The following MED16 variants were observed in gnomAD, a reference collection of about 807,000 sequenced individuals.
The protein encoded by MED16 is mediator of RNA polymerase II transcription subunit 16.
Under a neutral mutation model 84.4 loss-of-function variants are expected in MED16, and 81 were observed. That is an observed-to-expected ratio of 0.96 (90% CI 0.80 to 1.15). The LOEUF (loss-of-function observed/expected upper bound fraction) is 1.15. Ranked by LOEUF, MED16 falls within the 50% of genes most tolerant of loss-of-function variation. The pLI is 0.00. For missense variants in MED16, 1,585 were observed against 1,245.9 expected (o/e 1.27, Z -4.10); for synonymous variants, 897 against 552.2 (o/e 1.62, Z -8.76).
chr19:876,250 G>A (rs920434495), intron 9 of MED16, among the ~76,000 whole-genome samples: 4 of 152,126 alleles, frequency 2.6e-5, no homozygotes, highest in African/African-American at 7.2e-5. Flanking sequence ...TTAGATCTGA[G>A]GTCCTTCGAG....
rs773108866 is a variant in MED16 at position 881,583 on chromosome 19, C to T, written c.1117G>A (p.Asp373Asn). ...LTNTDLKVASDTQFYPGLGLA... is the reference protein window; with the variant it reads ...LTNTDLKVASNTQFYPGLGLA... ...CCGAGGCCAGGGTAGAACTGTGTGT[C>T]GCTGGCCACCTTGAGGTCGGTGTTG... Residue 373 changes from aspartate to asparagine, a missense_variant, in exon 7 of 16, where the codon GAC (aspartate) becomes AAC (asparagine). Asp to Asn is a conservative substitution (Grantham distance 23). Coordinates refer to ENST00000325464, the MANE Select transcript of MED16 (RefSeq NM_005481.3). 8 of 1,612,264 alleles carry T rather than the reference C, an allele frequency of 5.0e-6. No individual in the cohort carries two copies. The highest frequency in any genetic ancestry group is 1.3e-5 in the African/African-American group (1 of 74,912).
chr19:870,702 G>C (rs528854472), intron 13 of MED16, among the ~76,000 whole-genome samples: 2 of 152,090 alleles, frequency 1.3e-5, no homozygotes, highest in East Asian at 3.9e-4. Context: ...TCATGGCCAT[G>C]ACTGGAGAAC....
chr19:869,651 C>G (rs188191480), intron 13 of MED16, among the ~76,000 whole-genome samples: 1 of 152,134 alleles, frequency 6.6e-6, no homozygotes, highest in Admixed American at 6.5e-5. Flanking sequence ...CCGGAGGTCC[C>G]GGAGCCAAGC....
chr19:874,230 C>T (rs1447811044), intron 10 of MED16, among the ~76,000 whole-genome samples: 1 of 152,188 alleles, frequency 6.6e-6, no homozygotes, highest in Non-Finnish European at 1.5e-5. Flanking sequence ...TCTCCTGCCT[C>T]AGCCTCCCGA....
At chr19:871,705 C>G (rs778559911) in intron 12 of MED16, 4 of 1,339,778 alleles carry the variant, frequency 3.0e-6, no homozygotes, top group Non-Finnish European at 4.1e-6. Flanking sequence ...CTGCCACCTG[C>G]AGGGGCTTAT....
chr19:882,613 G>A (rs187078000), intron 6 of MED16, among the ~76,000 whole-genome samples: 3 of 152,212 alleles, frequency 2.0e-5, no homozygotes, highest in Admixed American at 2.0e-4. Context: ...AGCTGGAGCC[G>A]GCCTGCTGGA....
chr19:880,599 G>A (rs2036400311), intron 7 of MED16, among the ~76,000 whole-genome samples: 1 of 152,196 alleles, frequency 6.6e-6, no homozygotes, highest in African/African-American at 2.4e-5. Context: ...TCATGGAAAA[G>A]AGAATATGAA....
rs760070634 is a variant in MED16, at chr19:889,788, T to G, written c.297A>C (p.Ala99=). ...AGCACTTGATCTGCCCGTCGGCATCTGCTGACAGGAGCCGGGAGCCTGAGG... is the reference window on the plus strand; with the variant it reads ...AGCACTTGATCTGCCCGTCGGCATCGGCTGACAGGAGCCGGGAGCCTGAGG... ...WDQSGSRLLS[A]DADGQIKCWS... is the part of the protein sequence containing the mutation. Residue 99 remains alanine, a synonymous_variant, in exon 4 of 16, where the codon GCA becomes GCC. Coordinates refer to ENST00000325464, the MANE Select transcript of MED16 (RefSeq NM_005481.3). 6.2e-7 allele frequency: 1 copy of G among 1,612,286 alleles called. No homozygotes were observed.
At chr19:880,239 C>A (rs903776359) in intron 7 of MED16, 91 bp from the exon 8 acceptor site, 5 of 1,246,826 alleles carry the variant, frequency 4.0e-6, no homozygotes, top group Non-Finnish European at 4.3e-6. Flanking sequence ...TGTGGAGAGC[C>A]GGGGCTGCCC....
chr19:874,076 C>T (rs924236947), intron 10 of MED16, among the ~76,000 whole-genome samples: 11 of 152,272 alleles, frequency 7.2e-5, no homozygotes, highest in East Asian at 1.9e-4. Context: ...AGGAGTGCCA[C>T]GTGTCCACAC....
chr19:869,272 G>T (rs1357859703), intron 13 of MED16, among the ~76,000 whole-genome samples: 1 of 152,184 alleles, frequency 6.6e-6, no homozygotes, highest in African/African-American at 2.4e-5. Flanking sequence ...GAGGTGCAGG[G>T]AAGGTGCTTG....
At chr19:877,213 G>C (rs369347363) in intron 8 of MED16, 33 bp from the exon 9 acceptor site, 55 of 1,581,256 alleles carry the variant, frequency 3.5e-5, no homozygotes, top group Non-Finnish European at 4.5e-5. Flanking sequence ...AGAGCCCGGT[G>C]AGATGGGGCT....
At chr19:878,109 C>T (rs2036304977) in intron 8 of MED16, among the ~76,000 whole-genome samples, 2 of 119,152 alleles carry the variant, frequency 1.7e-5, no homozygotes, top group Admixed American at 1.9e-4. Flanking sequence ...GCCACGTGCC[C>T]CAGCAACTCA....
At position 876,947 on chromosome 19, in the gene MED16, GGGGCCCCACCTGCCAC is replaced by G. The variant is rs1000020174; in HGVS notation, c.1560+11_1560+26del. 2 of 1,545,670 alleles carry G rather than the reference GGGGCCCCACCTGCCAC, an allele frequency of 1.3e-6. No individual in the cohort carries two copies. Among genetic ancestry groups the G allele is most frequent in the South Asian group, 2.3e-5 (2 of 88,192 alleles). On this transcript the variant is annotated intron_variant, in intron 9 of 15. Coordinates refer to ENST00000325464, the MANE Select transcript of MED16 (RefSeq NM_005481.3). ...CTGCCACAGGGCCCCCACCTGCCAC[GGGGCCCCACCTGCCAC>G]GGGCCCCCACCTGCTGCAGGGCAGC...
chr19:882,355 A>T (rs1436001176), intron 6 of MED16, among the ~76,000 whole-genome samples: 1 of 151,884 alleles, frequency 6.6e-6, no homozygotes, highest in East Asian at 1.9e-4. Context: ...CAAAAAAAAC[A>T]CAGTAAACAT....
intron 13 of MED16, among the ~76,000 whole-genome samples, chr19:870,614 C>T (rs771354577): frequency 4.6e-5 from 7 of 150,578 alleles, no homozygotes; most frequent in African/African-American, 7.3e-5. Flanking sequence ...GCTGGGTGCC[C>T]GTGTTGGGGG....
At position 872,088 on chromosome 19, in the gene MED16, G is replaced by A. The variant is rs761913910; in HGVS notation, c.1936C>T (p.Leu646=). 1.2e-6 allele frequency: 2 copies of A among 1,608,904 alleles called. No homozygotes were observed. The highest frequency in any genetic ancestry group is 2.2e-5 in the East Asian group (1 of 44,630). The change falls in exon 12 of 16, where the codon CTG becomes TTG. Residue 646 remains leucine, a synonymous_variant. Transcript: ENST00000325464. ...GSLLRPGHSF[L]RDGTSLGMLR... The stretch of plus-strand genomic sequence containing the variant: ...ATGCCCAGCGAGGTGCCGTCCCGCA[G>A]AAAGCTGTGGCCCGGCCTCAGCAGG...
In MED16 at chr19:868,068, G is replaced by C. The variant is rs538557263; in HGVS notation, c.*33C>G. ...GGAAACCGAGGAGACGCCCGAGCCG[G>C]GTCACCACAAGGTCCGCCTGGACCC... On this transcript the variant is annotated 3_prime_UTR_variant, in exon 16 of 16. Transcript: ENST00000325464. 2.8e-5 allele frequency: 44 copies of C among 1,573,812 alleles called. No individual in the cohort carries two copies. The South Asian group carries it at 4.9e-4, about 17-fold the overall frequency.
intron 11 of MED16, 67 bp from the exon 12 acceptor site, chr19:872,185 T>TG (rs2036091593): frequency 7.1e-7 from 1 of 1,416,664 alleles, no homozygotes; most frequent in Non-Finnish European, 9.6e-7. Flanking sequence ...TGAAGTGTCT[T>TG]GGGGTCGGTG....
Sources: gnomAD v4.1 joint callset for allele counts (sites outside exome capture counted in the v4.1 genomes callset) on GRCh38, gnomAD v4.1.1 for gene constraint, MANE v1.5 for transcripts, NCBI Gene and HGNC (gene_info 2026-07-23, HGNC 2026-07-21) for gene names.